Variants in THSD7A observed in about 807,000 individuals in gnomAD.
THSD7A encodes the protein thrombospondin type 1 domain containing 7A, also known as thrombospondin type-1 domain-containing protein 7A.
Under a neutral mutation model 231.3 loss-of-function variants are expected in THSD7A, and 96 were observed. The ratio of observed to expected loss-of-function variants is 0.41; its 90% CI spans 0.35 to 0.49. The LOEUF is 0.49. Among genes scored for constraint, THSD7A ranks in the 20% least tolerant of loss-of-function variants. THSD7A has a pLI of 0.05. For missense variants in THSD7A, 2,290 were observed against 2,070.2 expected, an observed-to-expected ratio of 1.11 and a Z score of -2.06; for synonymous variants, 940 against 743.3, an observed-to-expected ratio of 1.26 and a Z score of -4.30.
chr7:11,617,096 G>C (rs1337516211), intron 2 of THSD7A, among the ~76,000 whole-genome samples: 1 of 152,046 alleles, frequency 6.6e-6, no homozygotes, highest in Admixed American at 6.6e-5. Context: ...TAATAGTCTA[G>C]GAACTAAGAC....
chr7:11,800,848 G>A (rs150153471), intron 1 of THSD7A, among the ~76,000 whole-genome samples: 67 of 152,228 alleles, frequency 4.4e-4, no homozygotes, highest in Non-Finnish European at 6.8e-4. Context: ...TGTTGTGCAC[G>A]TTAATAAAAG....
intron 23 of THSD7A, among the ~76,000 whole-genome samples, chr7:11,393,096 A>C (rs894337318): frequency 1.5e-4 from 23 of 152,192 alleles, no homozygotes; most frequent in Admixed American, 4.6e-4. Context: ...TGACTGGGAG[A>C]TACCTCTCAG....
intron 1 of THSD7A, among the ~76,000 whole-genome samples, chr7:11,708,952 A>G (rs1033543379): frequency 2.7e-5 from 4 of 150,790 alleles, no homozygotes; most frequent in African/African-American, 4.8e-5. Flanking sequence ...TATACGGTCA[A>G]TGCCACAGGA....
At position 11,593,304 on chromosome 7, in the gene THSD7A, T is replaced by C. The variant is rs1480956437; in HGVS notation, c.1221A>G (p.Glu407=). The stretch of plus-strand genomic sequence containing the variant: ...CTTGAGACAAACAGGGTTCTTTTTC[T>C]TCAAATTCTGGACACTCCTTTTCAC... ...IGSEKECPEF[E]EKEPCLSQGD... Residue 407 remains glutamate (E), a synonymous_variant, in exon 3 of 28, where the codon GAA becomes GAG. Coordinates refer to ENST00000423059, the MANE Select transcript of THSD7A (RefSeq NM_015204.3). The C allele has an allele frequency of 6.2e-7, 1 of 1,614,008 alleles. No homozygotes were observed. Among genetic ancestry groups the C allele is most frequent in the East Asian group, 2.2e-5 (1 of 44,868 alleles).
chr7:11,576,034 T>C (rs551098036), intron 4 of THSD7A, among the ~76,000 whole-genome samples: 2 of 152,300 alleles, frequency 1.3e-5, no homozygotes, highest in South Asian at 2.1e-4. Flanking sequence ...TCACGGTTAA[T>C]GCAGTGTTCC....
chr7:11,457,545 C>T (rs1020469197), intron 11 of THSD7A, among the ~76,000 whole-genome samples: 1 of 152,094 alleles, frequency 6.6e-6, no homozygotes, highest in Admixed American at 6.6e-5. Flanking sequence ...AGCATACTAG[C>T]TGGCATTCAG....
intron 1 of THSD7A, among the ~76,000 whole-genome samples, chr7:11,769,113 A>T (rs1459442794): frequency 2.0e-5 from 2 of 100,604 alleles, no homozygotes; most frequent in African/African-American, 3.8e-5. Flanking sequence ...ACCTGCCATA[A>T]TTCCTGGCAA....
At chr7:11,577,103 G>A (rs754867164) in intron 4 of THSD7A, among the ~76,000 whole-genome samples, 21 of 152,060 alleles carry the variant, frequency 1.4e-4, no homozygotes, top group Admixed American at 7.9e-4. Flanking sequence ...ACTATCTACC[G>A]CAATATGTTG....
chr7:11,544,858 C>G (rs932511473), intron 4 of THSD7A, among the ~76,000 whole-genome samples: 1 of 103,416 alleles, frequency 9.7e-6, no homozygotes, highest in Non-Finnish European at 1.8e-5. Context: ...AAATAAATAA[C>G]TGGGCACTAA....
intron 1 of THSD7A, among the ~76,000 whole-genome samples, chr7:11,805,244 G>A (rs921344607): frequency 1.4e-4 from 22 of 152,238 alleles, no homozygotes; most frequent in African/African-American, 4.8e-4. Flanking sequence ...CCAAAGGAGA[G>A]TTGAAGGAAA....
chr7:11,687,616 A>C (rs1275501943), intron 1 of THSD7A, among the ~76,000 whole-genome samples: 1 of 151,766 alleles, frequency 6.6e-6, no homozygotes, highest in African/African-American at 2.4e-5. Context: ...GCTTGAAAGC[A>C]CTCTTTTCAT....
chr7:11,399,924 A>ATGAT (rs776722483), intron 23 of THSD7A, among the ~76,000 whole-genome samples: 10 of 152,122 alleles, frequency 6.6e-5, no homozygotes, highest in Non-Finnish European at 8.8e-5. Context: ...ATGTCCATCA[A>ATGAT]TGATAGACTG....
intron 23 of THSD7A, chr7:11,384,102 T>C (rs978859500): frequency 6.6e-5 from 10 of 151,958 alleles, no homozygotes; most frequent in Non-Finnish European, 1.2e-4. Context: ...AAATTTGTTA[T>C]TTATAGTAAC....
At chr7:11,769,652 G>T (rs1251991912) in intron 1 of THSD7A, among the ~76,000 whole-genome samples, 1 of 152,048 alleles carries the variant, frequency 6.6e-6, no homozygotes, top group Non-Finnish European at 1.5e-5. Context: ...TGTCTCACCT[G>T]ATTTATTAAT....
chr7:11,521,786 G>A (rs1192234628), intron 6 of THSD7A, among the ~76,000 whole-genome samples: 1 of 150,172 alleles, frequency 6.7e-6, no homozygotes, highest in Non-Finnish European at 1.5e-5. Flanking sequence ...CTGCCAAATA[G>A]CAGGTATTCA....
At chr7:11,727,655 G>A (rs968913593) in intron 1 of THSD7A, among the ~76,000 whole-genome samples, 5 of 151,822 alleles carry the variant, frequency 3.3e-5, no homozygotes, top group Non-Finnish European at 1.5e-5. Context: ...ACATAAAATT[G>A]TTCAAGAAAA....
intron 6 of THSD7A, among the ~76,000 whole-genome samples, chr7:11,487,002 A>T (rs1225028330): frequency 6.6e-6 from 1 of 152,224 alleles, no homozygotes; most frequent in African/African-American, 2.4e-5. Context: ...TGTAAACTCA[A>T]AATGAGATTT....
intron 1 of THSD7A, among the ~76,000 whole-genome samples, chr7:11,769,356 A>T (rs1783153878): frequency 6.6e-6 from 1 of 151,048 alleles, no homozygotes; most frequent in Non-Finnish European, 1.5e-5. Flanking sequence ...AATTAATTGC[A>T]AAGATATTTG....
At chr7:11,556,232 TTA>T (rs555035445) in intron 4 of THSD7A, among the ~76,000 whole-genome samples, 95 of 151,772 alleles carry the variant, frequency 6.3e-4, no homozygotes, top group South Asian at 2.1e-3. Flanking sequence ...TATAGCTCTT[TTA>T]GTGTTTGCTG....
Sources: allele counts gnomAD v4.1 joint callset (sites outside exome capture counted in the v4.1 genomes callset), GRCh38; gene constraint gnomAD v4.1.1; transcripts MANE v1.5; gene names NCBI Gene and HGNC (gene_info 2026-07-23, HGNC 2026-07-21).